The following USP6NL variants were observed in gnomAD, a reference collection of about 807,000 sequenced individuals.
USP6NL encodes USP6 N-terminal like.
USP6NL carries 26 observed loss-of-function variants against 61.9 expected under a neutral mutation model. That is an observed-to-expected ratio of 0.42 (90% confidence interval 0.31 to 0.58). The LOEUF is 0.58. Among genes scored for constraint, USP6NL ranks in the 20% least tolerant of loss-of-function variants. The pLI is 0.16. For synonymous variants in USP6NL, 432 were observed against 390.1 expected (o/e 1.11, Z -1.27); for missense variants, 1,114 against 1,034.3 (o/e 1.08, Z -1.06).
At chr10:11,467,932 T>C (rs2133162794) in intron 14 of USP6NL, among the ~76,000 whole-genome samples, 1 of 152,340 alleles carries the variant, frequency 6.6e-6, no homozygotes, top group African/African-American at 2.4e-5. Context: ...GGTGTATGAC[T>C]TGTAAAAAAT....
rs1026360385 is a variant in USP6NL, at chr10:11,528,508, C to T, written c.5-941G>A. 6.6e-6 allele frequency among the ~76,000 whole-genome samples: 1 copy of T among 152,152 alleles called. No homozygotes were observed. The highest frequency in any genetic ancestry group is 1.5e-5 in the Non-Finnish European group (1 of 68,032). Reference sequence around the variant, plus strand: ...CCACATGACACTCTAAGGTAGGCATCATTATGAATCCTACACCGCGATAAA... The same window carrying T: ...CCACATGACACTCTAAGGTAGGCATTATTATGAATCCTACACCGCGATAAA... On this transcript the variant is annotated intron_variant, in intron 2 of 14. Coordinates refer to ENST00000609104, the MANE Select transcript of USP6NL (RefSeq NM_014688.5). The surrounding 1 kb of genome is among the most constrained non-coding windows in gnomAD (Gnocchi z 4.6).
Position 11,597,555 on chromosome 10 carries a change from C to T in USP6NL, c.4+76G>A, listed in dbSNP as rs1838369621. Reference sequence around the variant, plus strand: ...GACATAATTCCAATTTATTCAGTAACATGTTTTTCTTCTCCTAAGCACAAT... The same window carrying T: ...GACATAATTCCAATTTATTCAGTAATATGTTTTTCTTCTCCTAAGCACAAT... On this transcript the variant is annotated intron_variant, in intron 2 of 14. Transcript: ENST00000609104. This position sits in a 1 kb window ranked among gnomAD's most constrained non-coding sequence, Gnocchi z 4.6. 1 of 1,436,930 alleles carries T rather than the reference C, an allele frequency of 7.0e-7. No homozygotes were observed. Among genetic ancestry groups the T allele is most frequent in the Non-Finnish European group, 9.6e-7 (1 of 1,042,652 alleles). The allele number at this position is 1,436,930 out of a possible 1,614,324, so 89.0% of individuals were successfully genotyped here.
rs578136159 is a variant in USP6NL, at chr10:11,590,194, G to A, written c.4+7437C>T. Reference sequence around the variant, plus strand: ...TTCTAACCCGTAGCTTTAAAGAGAAGCTGAAAAGAATTACTTTCACAGTCA... The same window carrying A: ...TTCTAACCCGTAGCTTTAAAGAGAAACTGAAAAGAATTACTTTCACAGTCA... On this transcript the variant is annotated intron_variant, in intron 2 of 14. Transcript: ENST00000609104. Among the ~76,000 whole-genome samples, 53 of 152,228 alleles carry A rather than the reference G, an allele frequency of 3.5e-4. 1 individual carries two copies. The South Asian group carries it at 0.011, about 30-fold the overall frequency.
chr10:11,467,811 C>T (rs1832538544), intron 14 of USP6NL, among the ~76,000 whole-genome samples: 1 of 152,088 alleles, frequency 6.6e-6, no homozygotes, highest in Non-Finnish European at 1.5e-5. Flanking sequence ...TCCTTAAGTA[C>T]TACATATTTT....
At position 11,548,322 on chromosome 10, in the gene USP6NL, G is replaced by T. The variant is rs1836358414; in HGVS notation, c.5-20755C>A. Among the ~76,000 whole-genome samples, 1 of 152,122 alleles carries T rather than the reference G, an allele frequency of 6.6e-6. No homozygotes were observed. The highest frequency in any genetic ancestry group is 2.1e-4 in the South Asian group (1 of 4,830). ...GAACAGCAGCACTATTACCTCCTTT[G>T]ATCTGCAAACAAATATCCACTTTTA... On this transcript the variant is annotated intron_variant, in intron 2 of 14. Coordinates refer to ENST00000609104, the MANE Select transcript of USP6NL (RefSeq NM_014688.5). The surrounding 1 kb of genome is among the most constrained non-coding windows in gnomAD (Gnocchi z 4.3).
Position 11,465,291 on chromosome 10 carries a change from C to A in USP6NL, c.1079-1442G>T, listed in dbSNP as rs1043662412. Reference sequence around the variant, plus strand: ...AATATCAGCCAATCATCAAAACATCCTTTTCAGGTTAGCAAGAAGAAACCT... The same window carrying A: ...AATATCAGCCAATCATCAAAACATCATTTTCAGGTTAGCAAGAAGAAACCT... On this transcript the variant is annotated intron_variant, in intron 14 of 14. Transcript: ENST00000609104. This position sits in a 1 kb window ranked among gnomAD's most constrained non-coding sequence, Gnocchi z 4.5. 1.3e-5 allele frequency among the ~76,000 whole-genome samples: 2 copies of A among 152,160 alleles called. No individual in the cohort carries two copies. Among genetic ancestry groups the A allele is most frequent in the Non-Finnish European group, 2.9e-5 (2 of 68,028 alleles).
In USP6NL at chr10:11,555,242, C is replaced by T. The variant is rs947351761; in HGVS notation, c.5-27675G>A. Among the ~76,000 whole-genome samples the T allele has an allele frequency of 4.1e-5, 6 of 146,984 alleles. No individual in the cohort carries two copies. The South Asian group carries it at 6.5e-4, about 16-fold the overall frequency. On this transcript the variant is annotated intron_variant, in intron 2 of 14. Coordinates refer to ENST00000609104, the MANE Select transcript of USP6NL (RefSeq NM_014688.5). ...ACCGGCCTGGCCAACATGGCAAAACCGCGTCTCTACTAAAGTACAAAAATT... is the reference window on the plus strand; with the variant it reads ...ACCGGCCTGGCCAACATGGCAAAACTGCGTCTCTACTAAAGTACAAAAATT...
intron 1 of USP6NL, among the ~76,000 whole-genome samples, chr10:11,601,632 C>A (rs1412983541): frequency 1.3e-5 from 2 of 152,138 alleles, no homozygotes; most frequent in Non-Finnish European, 2.9e-5. Flanking sequence ...TATGTAACCA[C>A]ATATATAAAG....
chr10:11,535,893 A>G (rs1026909384), intron 2 of USP6NL, among the ~76,000 whole-genome samples: 2 of 152,252 alleles, frequency 1.3e-5, no homozygotes, highest in African/African-American at 4.8e-5. Context: ...TTAAGAATAA[A>G]GATTATTTTA....
rs967191476 is a variant in USP6NL at position 11,591,438 on chromosome 10, T to A, written c.4+6193A>T. Reference sequence around the variant, plus strand: ...ATATAGCTTTTGAAGAATAAAAATATAATAGTAGGTATATAATTTGAAATT... The same window carrying A: ...ATATAGCTTTTGAAGAATAAAAATAAAATAGTAGGTATATAATTTGAAATT... On this transcript the variant is annotated intron_variant, in intron 2 of 14. Transcript: ENST00000609104. This position sits in a 1 kb window ranked among gnomAD's most constrained non-coding sequence, Gnocchi z 4.7. Among the ~76,000 whole-genome samples the A allele has an allele frequency of 1.3e-5, 2 of 152,130 alleles. No individual in the cohort carries two copies. Among genetic ancestry groups the A allele is most frequent in the Non-Finnish European group, 2.9e-5 (2 of 68,014 alleles).
intron 6 of USP6NL, among the ~76,000 whole-genome samples, chr10:11,501,743 G>C (rs1834206067): frequency 6.6e-6 from 1 of 152,106 alleles, no homozygotes; most frequent in African/African-American, 2.4e-5. Flanking sequence ...GAAAACTCCA[G>C]TTAATCCTAC....
chr10:11,515,520 C>A (rs903474852), intron 5 of USP6NL, among the ~76,000 whole-genome samples: 2 of 152,198 alleles, frequency 1.3e-5, no homozygotes, highest in African/African-American at 2.4e-5. Context: ...TGGCTTCTGA[C>A]GTGAGAGGCA....
At chr10:11,571,019 A>G (rs1445344549) in intron 2 of USP6NL, among the ~76,000 whole-genome samples, 4 of 152,148 alleles carry the variant, frequency 2.6e-5, no homozygotes, top group African/African-American at 9.7e-5. Flanking sequence ...GTCTTAACAA[A>G]TGCATGTTAC....
chr10:11,590,352 C>A (rs1838122659), intron 2 of USP6NL, among the ~76,000 whole-genome samples: 1 of 152,100 alleles, frequency 6.6e-6, no homozygotes, highest in South Asian at 2.1e-4. Flanking sequence ...ACAATGGCAC[C>A]CATCACATAC....
Position 11,589,179 on chromosome 10 carries a change from C to T in USP6NL, c.4+8452G>A, listed in dbSNP as rs776158298. Among the ~76,000 whole-genome samples the T allele has an allele frequency of 5.3e-5, 8 of 152,170 alleles. No individual in the cohort carries two copies. Among genetic ancestry groups the T allele is most frequent in the Non-Finnish European group, 1.0e-4 (7 of 68,028 alleles). On this transcript the variant is annotated intron_variant, in intron 2 of 14. Coordinates refer to ENST00000609104, the MANE Select transcript of USP6NL (RefSeq NM_014688.5). This position sits in a 1 kb window ranked among gnomAD's most constrained non-coding sequence, Gnocchi z 4.7. The stretch of plus-strand genomic sequence containing the variant: ...TCTAGGTCACATCTGTCAGCAGAAA[C>T]GTTTTTTATAATAAAGCATGCCAAC...
intron 7 of USP6NL, among the ~76,000 whole-genome samples, chr10:11,497,028 G>A (rs1833957489): frequency 6.6e-6 from 1 of 150,644 alleles, no homozygotes; most frequent in South Asian, 2.1e-4. Context: ...TGAAAAAGGT[G>A]GTTCAGAAGA....
chr10:11,556,638 G>A (rs1057308636), intron 2 of USP6NL, among the ~76,000 whole-genome samples: 2 of 151,960 alleles, frequency 1.3e-5, no homozygotes, highest in Non-Finnish European at 2.9e-5. Flanking sequence ...TACTTATCTC[G>A]GACAAAGCCG....
At chr10:11,516,405 T>A (rs370598521) in intron 5 of USP6NL, among the ~76,000 whole-genome samples, 57 of 152,306 alleles carry the variant, frequency 3.7e-4, no homozygotes, top group South Asian at 8.3e-4. Flanking sequence ...AAATGTAAAC[T>A]TTTTTTAATT....
rs1323450321 is a variant in USP6NL at position 11,611,631 on chromosome 10, A to C, written c.-272T>G. The C allele has an allele frequency of 6.6e-6, 1 of 152,402 alleles. No homozygotes were observed. The highest frequency in any genetic ancestry group is 1.5e-5 in the Non-Finnish European group (1 of 67,960). 9.4% of individuals were successfully genotyped at this position (152,402 alleles called of 1,614,324 possible). On this transcript the variant is annotated 5_prime_UTR_variant, in exon 1 of 15. Transcript: ENST00000609104. The surrounding 1 kb of genome is among the most constrained non-coding windows in gnomAD (Gnocchi z 5.3). Reference sequence around the variant, plus strand: ...GGGAACCAGGAAGTTCCCCGGCGCGACACCTCCTGCCGCCGCTATGGAAAC... The same window carrying C: ...GGGAACCAGGAAGTTCCCCGGCGCGCCACCTCCTGCCGCCGCTATGGAAAC...
Sources: allele counts gnomAD v4.1 joint callset (sites outside exome capture counted in the v4.1 genomes callset), GRCh38; gene constraint gnomAD v4.1.1; non-coding constraint Gnocchi (gnomAD v3.1); transcripts MANE v1.5; gene names NCBI Gene and HGNC (gene_info 2026-07-23, HGNC 2026-07-21).